SIK3: variants seen among roughly 807,000 people sequenced by gnomAD.
SIK3 encodes the protein SIK family kinase 3.
SIK3 carries 28 observed loss-of-function variants against 144.2 expected under a neutral mutation model. That is an observed-to-expected ratio of 0.19 (90% CI 0.14 to 0.27). The LOEUF is 0.27. SIK3 is among the 10% of genes least tolerant of loss of function. The pLI, the probability that SIK3 is intolerant of heterozygous loss-of-function variation, is 1.00. For synonymous variants in SIK3, 686 were observed against 676.3 expected (o/e 1.01, Z -0.22); for missense variants, 1,319 against 1,776.0 (o/e 0.74, Z 4.62).
intron 6 of SIK3, among the ~76,000 whole-genome samples, chr11:116,878,208 C>T (rs1217783006): frequency 6.6e-6 from 1 of 152,176 alleles, no homozygotes; most frequent in Non-Finnish European, 1.5e-5. Flanking sequence ...GGTCTTTCTG[C>T]TTCCATTCTT....
chr11:116,897,085 C>A, intron 5 of SIK3, 108 bp downstream of exon 5: 2 of 1,156,372 alleles, frequency 1.7e-6, no homozygotes, highest in Non-Finnish European at 2.4e-6. Flanking sequence ...AACAGGTGAC[C>A]AGGATCTCAA....
intron 4 of SIK3, among the ~76,000 whole-genome samples, chr11:116,919,510 C>CA (rs1946845779): frequency 6.6e-6 from 1 of 152,126 alleles, no homozygotes; most frequent in South Asian, 2.1e-4. Flanking sequence ...CATTTAAAGA[C>CA]AAAAGTTTCC....
At chr11:117,083,902 G>C (rs1464026793) in intron 1 of SIK3, among the ~76,000 whole-genome samples, 1 of 152,136 alleles carries the variant, frequency 6.6e-6, no homozygotes, top group Admixed American at 6.5e-5. Flanking sequence ...TAAAGAGTTT[G>C]GCCAGTTTCT....
chr11:117,055,201 C>T (rs1953456700), intron 1 of SIK3, among the ~76,000 whole-genome samples: 1 of 152,212 alleles, frequency 6.6e-6, no homozygotes, highest in African/African-American at 2.4e-5. Flanking sequence ...AGATTTCTAA[C>T]AGGCAGCTCA....
At chr11:116,927,940 G>A (rs1947368945) in intron 3 of SIK3, among the ~76,000 whole-genome samples, 1 of 152,178 alleles carries the variant, frequency 6.6e-6, no homozygotes, top group African/African-American at 2.4e-5. Context: ...CTCGGTAACT[G>A]TTCTCTGGAG....
rs184076214 is a variant in SIK3, at chr11:117,040,209, C to T, written c.273+57934G>A. On this transcript the variant is annotated intron_variant, in intron 1 of 24. Coordinates refer to ENST00000445177, the MANE Select transcript of SIK3 (RefSeq NM_001366686.3). ...TGAGCACCTATCATAGCAAGCAGTA[C>T]TGTATAGTGATAAAGAGCAGAAGAA... Among the ~76,000 whole-genome samples the T allele has an allele frequency of 1.2e-3, 178 of 152,284 alleles. 3 individuals carry two copies. Among genetic ancestry groups the T allele is most frequent in the Admixed American group, 9.6e-3 (147 of 15,292 alleles).
At chr11:116,945,178 C>T (rs1440724545) in intron 3 of SIK3, among the ~76,000 whole-genome samples, 1 of 151,988 alleles carries the variant, frequency 6.6e-6, no homozygotes, top group Non-Finnish European at 1.5e-5. Flanking sequence ...CCAGGATGTT[C>T]TCAATCTCCT....
chr11:116,916,891 G>A (rs932255843), intron 4 of SIK3, among the ~76,000 whole-genome samples: 2 of 151,890 alleles, frequency 1.3e-5, no homozygotes, highest in Non-Finnish European at 2.9e-5. Flanking sequence ...GATCACTTGA[G>A]CTCAGGAGTT....
intron 3 of SIK3, among the ~76,000 whole-genome samples, chr11:116,948,059 C>T (rs570096219): frequency 6.6e-6 from 1 of 151,374 alleles, no homozygotes; most frequent in African/African-American, 2.4e-5. Context: ...TTCAGCCTCT[C>T]GAGTAGCTGG....
Position 116,849,109 on chromosome 11 carries a change from G to A in SIK3, c.3819+11C>T, listed in dbSNP as rs1942223635. 2 of 1,575,802 alleles carry A rather than the reference G, an allele frequency of 1.3e-6. No individual in the cohort carries two copies. The highest frequency in any genetic ancestry group is 2.7e-5 in the African/African-American group (2 of 74,498). ...GGATCCACCTCTGTGCAGCAGGTGG[G>A]ACCAACATACATAAGCATCGTCGCT... On this transcript the variant is annotated intron_variant, in intron 22 of 24. Coordinates refer to ENST00000445177, the MANE Select transcript of SIK3 (RefSeq NM_001366686.3). The surrounding 1 kb of genome is among the most constrained non-coding windows in gnomAD (Gnocchi z 4.2).
rs1555131677 is a variant in SIK3, at chr11:117,023,615, A to AC, written c.274-66552_274-66551insG. On this transcript the variant is annotated intron_variant, in intron 1 of 24. Transcript: ENST00000445177. ...AAACAAACAAACAAACAAACAAAAA[A>AC]AAAAAAATATATATATATATATATA... 7.7e-4 allele frequency among the ~76,000 whole-genome samples: 80 copies of AC among 103,996 alleles called. 1 individual carries two copies. Among genetic ancestry groups the AC allele is most frequent in the African/African-American group, 3.0e-3 (55 of 18,126 alleles). The allele number at this position is 103,996 out of a possible 152,430, so 68.2% of individuals were successfully genotyped here. A position where few individuals can be genotyped will look rare whatever the true frequency, so the allele number is the denominator to read the frequency against.
At chr11:117,054,649 T>C (rs1020477165) in intron 1 of SIK3, among the ~76,000 whole-genome samples, 1 of 152,148 alleles carries the variant, frequency 6.6e-6, no homozygotes, top group African/African-American at 2.4e-5. Flanking sequence ...CAGTACTTGA[T>C]AGGCCAGGTG....
chr11:116,937,474 A>T (rs903719338), intron 3 of SIK3, among the ~76,000 whole-genome samples: 1 of 152,230 alleles, frequency 6.6e-6, no homozygotes, highest in Non-Finnish European at 1.5e-5. Flanking sequence ...TACGGTACAT[A>T]ATACCTAACT....
intron 7 of SIK3, 31 bp from the exon 8 acceptor site, chr11:116,876,394 C>T (rs762801949): frequency 3.3e-6 from 5 of 1,535,854 alleles, no homozygotes; most frequent in Non-Finnish European, 4.5e-6. Context: ...AGCTGTCAAC[C>T]CCCCAATTAA....
At chr11:116,913,325 T>TG (rs927170865) in intron 4 of SIK3, among the ~76,000 whole-genome samples, 4 of 152,102 alleles carry the variant, frequency 2.6e-5, no homozygotes, top group South Asian at 4.2e-4. Flanking sequence ...TCATCTTATT[T>TG]GGGGGGAGAT....
chr11:117,047,087 T>G (rs1430758949), intron 1 of SIK3, among the ~76,000 whole-genome samples: 1 of 152,234 alleles, frequency 6.6e-6, no homozygotes, highest in Non-Finnish European at 1.5e-5. Flanking sequence ...ACTTTTATCA[T>G]ACTTTCCTTA....
intron 1 of SIK3, among the ~76,000 whole-genome samples, chr11:117,057,833 T>C (rs1407345522): frequency 2.0e-5 from 3 of 152,296 alleles, no homozygotes; most frequent in South Asian, 2.1e-4. Context: ...TACCCACCTA[T>C]ACAACTCATA....
chr11:117,011,599 GT>G (rs772522080), intron 1 of SIK3, among the ~76,000 whole-genome samples: 5 of 152,142 alleles, frequency 3.3e-5, no homozygotes, highest in South Asian at 4.1e-4. Context: ...TATCAGCCAT[GT>G]GTTAGTACTG....
intron 6 of SIK3, 68 bp downstream of exon 6, chr11:116,896,185 C>T (rs1228352992): frequency 5.0e-6 from 8 of 1,587,298 alleles, no homozygotes; most frequent in Non-Finnish European, 6.9e-6. Context: ...TCACTAAATT[C>T]CTGGGATAAC....
Sources: gnomAD v4.1 joint callset for allele counts (sites outside exome capture counted in the v4.1 genomes callset) on GRCh38, gnomAD v4.1.1 for gene constraint, Gnocchi (gnomAD v3.1) non-coding constraint, MANE v1.5 for transcripts, NCBI Gene and HGNC (gene_info 2026-07-23, HGNC 2026-07-21) for gene names.